The following ASMT variants were observed in gnomAD, a reference collection of about 807,000 sequenced individuals.
ASMT encodes the protein acetylserotonin N-methyltransferase.
A neutral mutation model predicts 41.3 loss-of-function variants in ASMT; 53 were observed. The observed-to-expected ratio is 1.28, with a 90% CI of 1.03 to 1.61. The LOEUF (loss-of-function observed/expected upper bound fraction) is 1.61. Ranked by LOEUF, ASMT falls within the 40% of genes most tolerant of loss-of-function variation. ASMT has a pLI of 0.00. For synonymous variants in ASMT, 231 were observed against 184.8 expected, an observed-to-expected ratio of 1.25 and a Z score of -2.03; for missense variants, 531 against 441.3, an observed-to-expected ratio of 1.20 and a Z score of -1.82.
intron 5 of ASMT, among the ~76,000 whole-genome samples, chrX:1,630,996 T>C (rs1200410046): frequency 3.4e-5 from 5 of 147,080 alleles, no homozygotes; most frequent in South Asian, 4.3e-4. Context: ...CTGCAAGCTC[T>C]GCCTCCCGGG....
At position 1,615,268 on chromosome X, in the gene ASMT, G is replaced by T; in HGVS notation, c.69G>T (p.Gln23His). Residue 23 changes from glutamine to histidine, a missense_variant and splice_region_variant, in exon 1 of 9, where the codon CAG (glutamine) becomes CAT (histidine). Gln to His is a conservative substitution (Grantham distance 24, BLOSUM62 0). Transcript: ENST00000381241. Reference sequence around the variant, plus strand: ...ACGCCAACGGCTTCATGGTGTCCCAGGTAGGATACGCTCTGTGGGACAAGG... The same window carrying T: ...ACGCCAACGGCTTCATGGTGTCCCATGTAGGATACGCTCTGTGGGACAAGG... ...NDYANGFMVS[Q>H]VLFAACELGV... 6.3e-7 allele frequency: 1 copy of T among 1,590,328 alleles called. No individual in the cohort carries two copies. The highest frequency in any genetic ancestry group is 8.6e-7 in the Non-Finnish European group (1 of 1,168,244).
intron 1 of ASMT, among the ~76,000 whole-genome samples, chrX:1,622,145 C>G (rs1934358951): frequency 6.6e-6 from 1 of 151,322 alleles, no homozygotes; most frequent in South Asian, 2.1e-4. Flanking sequence ...GTGCGCACCA[C>G]CATGCCTGGC....
intron 1 of ASMT, among the ~76,000 whole-genome samples, chrX:1,616,115 G>C (rs113117525): frequency 6.7e-6 from 1 of 149,444 alleles, no homozygotes; most frequent in East Asian, 2.0e-4. Flanking sequence ...TGCAACCTCC[G>C]CCTCCAGGGT....
intron 8 of ASMT, among the ~76,000 whole-genome samples, 187 bp from the exon 9 acceptor site, chrX:1,642,616 C>G (rs751786627): frequency 6.6e-6 from 1 of 152,046 alleles, no homozygotes; most frequent in Non-Finnish European, 1.5e-5. Context: ...GGGACAGTGT[C>G]CCAGCGTCCT....
In ASMT at chrX:1,627,763, C is replaced by T. The variant is rs1159846419; in HGVS notation, c.435C>T (p.Ala145=). 1 of 1,613,822 alleles carries T rather than the reference C, an allele frequency of 6.2e-7. No homozygotes were observed. The highest frequency in any genetic ancestry group is 1.7e-5 in the Admixed American group (1 of 60,016). The stretch of plus-strand genomic sequence containing the variant: ...TTCCCGCTGAAGAGCTTTTTACGGC[C>T]ATCTACAGGTAACACCCATCACTTT... ...FGVPAEELFT[A]IYRSEGERLQ... is the part of the protein sequence containing the mutation. Residue 145 remains alanine (A), a synonymous_variant, in exon 4 of 9, where the codon GCC becomes GCT. Transcript: ENST00000381241.
At position 1,616,107 on chromosome X, in the gene ASMT, C is replaced by A. The variant is rs113134142; in HGVS notation, c.69+839C>A. 3.3e-5 allele frequency among the ~76,000 whole-genome samples: 5 copies of A among 149,820 alleles called. No homozygotes were observed. In the East Asian group the frequency reaches 9.7e-4, roughly 29 times the overall value. On this transcript the variant is annotated intron_variant, in intron 1 of 8. Transcript: ENST00000381241. ...GCAGTGGCACGGTCTTGGCTCACTG[C>A]AACCTCCGCCTCCAGGGTTCAGGCT... is the stretch of plus-strand genomic sequence containing the variant.
At chrX:1,617,904 C>T (rs1340928013) in intron 1 of ASMT, among the ~76,000 whole-genome samples, 1 of 152,228 alleles carries the variant, frequency 6.6e-6, no homozygotes, top group East Asian at 1.9e-4. Flanking sequence ...TTTGCCAGTA[C>T]GCTCATGGTT....
intron 3 of ASMT, 53 bp from the exon 4 acceptor site, chrX:1,627,650 A>AAAT (rs1934604760): frequency 7.6e-7 from 1 of 1,316,426 alleles, no homozygotes; most frequent in South Asian, 1.2e-5. Context: ...AAATGAAATG[A>AAAT]AATGAAATGA....
At chrX:1,624,722 C>A (rs1268583034) in intron 3 of ASMT, among the ~76,000 whole-genome samples, 1 of 50,332 alleles carries the variant, frequency 2.0e-5, no homozygotes, top group African/African-American at 8.8e-5. Context: ...GGGGCTGACC[C>A]CAGGCAGATG....
chrX:1,617,253 T>C (rs1934168932), intron 1 of ASMT, among the ~76,000 whole-genome samples: 2 of 151,516 alleles, frequency 1.3e-5, no homozygotes, highest in South Asian at 4.2e-4. Flanking sequence ...GCGGATCACT[T>C]GAGGTCAGGA....
chrX:1,624,106 A>T, intron 2 of ASMT, 163 bp from the exon 3 acceptor site: 1 of 445,224 alleles, frequency 2.2e-6, no homozygotes, highest in Non-Finnish European at 3.0e-6. Context: ...TGCGCCTTCC[A>T]CAGAAGGCTC....
At chrX:1,641,299 C>T (rs766790953) in intron 8 of ASMT, among the ~76,000 whole-genome samples, 19 of 32,690 alleles carry the variant, frequency 5.8e-4, no homozygotes, top group African/African-American at 1.3e-3. Context: ...CATGTCCCAG[C>T]TCTCCTGTGA....
In ASMT at chrX:1,619,950, G is replaced by A. The variant is rs766716963; in HGVS notation, c.70-3189G>A. Among the ~76,000 whole-genome samples the A allele has an allele frequency of 2.5e-3, 372 of 151,086 alleles. 2 individuals are homozygous for A. The highest frequency in any genetic ancestry group is 8.4e-3 in the African/African-American group (346 of 41,288). On this transcript the variant is annotated intron_variant, in intron 1 of 8. Coordinates refer to ENST00000381241, the MANE Select transcript of ASMT (RefSeq NM_001171038.2). ...ACTAAAAATATTTTAAAAATTAGCC[G>A]GGCGTGGTGGTGGGCGCCTGTAGTT...
At chrX:1,634,389 C>G (rs1934883739) in intron 7 of ASMT, among the ~76,000 whole-genome samples, 1 of 152,276 alleles carries the variant, frequency 6.6e-6, no homozygotes, top group East Asian at 1.9e-4. Context: ...TCCCTGACAT[C>G]CAAGGATTTT....
intron 4 of ASMT, 181 bp downstream of exon 4, chrX:1,627,952 G>A: frequency 1.5e-6 from 1 of 679,638 alleles, no homozygotes; most frequent in South Asian, 1.7e-5. Context: ...TGTTTAAATT[G>A]ATCAAATTCC....
intron 1 of ASMT, among the ~76,000 whole-genome samples, chrX:1,618,335 T>G (rs1346525211): frequency 1.3e-5 from 2 of 152,158 alleles, no homozygotes; most frequent in Admixed American, 1.3e-4. Context: ...GGCTAATTTT[T>G]GTATTTTTGG....
chrX:1,622,759 A>T (rs1318583886), intron 1 of ASMT, among the ~76,000 whole-genome samples: 1 of 151,254 alleles, frequency 6.6e-6, no homozygotes, highest in Admixed American at 6.6e-5. Context: ...TAAAAACACA[A>T]AAATTAGACA....
chrX:1,619,857 C>T (rs189325430), intron 1 of ASMT, among the ~76,000 whole-genome samples: 3 of 150,206 alleles, frequency 2.0e-5, no homozygotes, highest in Non-Finnish European at 1.5e-5. Flanking sequence ...TTTGGGAGGC[C>T]GAGGAAGGTG....
intron 7 of ASMT, chrX:1,636,126 T>A: frequency 2.7e-6 from 1 of 375,936 alleles, no homozygotes; most frequent in Non-Finnish European, 5.1e-6. Context: ...CGGCTAATTT[T>A]TTTTGTATTT....
Sources: allele counts gnomAD v4.1 joint callset (sites outside exome capture counted in the v4.1 genomes callset), GRCh38; gene constraint gnomAD v4.1.1; transcripts MANE v1.5; gene names NCBI Gene and HGNC (gene_info 2026-07-23, HGNC 2026-07-21).